Variants in TIAM2 observed in about 807,000 individuals in gnomAD.
The protein encoded by TIAM2 is TIAM Rac1 associated GEF 2.
TIAM2 carries 80 observed loss-of-function variants against 152.9 expected under a neutral mutation model. That is an observed-to-expected ratio of 0.52 (90% CI 0.44 to 0.63). TIAM2 has a LOEUF of 0.63. TIAM2 is among the 30% of genes least tolerant of loss of function. The pLI, the probability that TIAM2 is intolerant of heterozygous loss-of-function variation, is 0.00. For synonymous variants in TIAM2, 804 were observed against 838.0 expected (o/e 0.96, Z 0.70); for missense variants, 1,965 against 2,120.1 (o/e 0.93, Z 1.44).
chr6:155,172,666 ATATATATATATATATATATATTT>A (rs1360681251), intron 9 of TIAM2, among the ~76,000 whole-genome samples: 14 of 9,316 alleles, frequency 1.5e-3, no homozygotes, highest in African/African-American at 3.3e-3. Flanking sequence ...ATATATATAT[ATATATATATATATATATATATTT>A]TTTTTTTTTT....
At chr6:155,104,258 T>C (rs1778627776) in intron 2 of TIAM2, among the ~76,000 whole-genome samples, 1 of 152,002 alleles carries the variant, frequency 6.6e-6, no homozygotes, top group South Asian at 2.1e-4. Flanking sequence ...TTATCTGTAA[T>C]TCCAGAGGGT....
chr6:155,164,740 G>A (rs546716826), intron 8 of TIAM2, 140 bp downstream of exon 8: 1 of 1,030,982 alleles, frequency 9.7e-7, no homozygotes, highest in South Asian at 1.6e-5. Context: ...CCAGAGGCCA[G>A]GGGCCTGGAG....
At chr6:155,147,175 TC>T (rs1301777484) in intron 6 of TIAM2, among the ~76,000 whole-genome samples, 1 of 32,928 alleles carries the variant, frequency 3.0e-5, no homozygotes, top group African/African-American at 1.3e-4. Context: ...TTTACATTGT[TC>T]TTTTTTTTTT....
Position 155,244,176 on chromosome 6 carries a change from A to T in TIAM2, c.3417+97A>T, listed in dbSNP as rs182491930. The T allele has an allele frequency of 1.1e-4, 133 of 1,192,742 alleles. No homozygotes were observed. In the African/African-American group the frequency reaches 1.8e-3, roughly 16 times the overall value. The allele number at this position is 1,192,742 out of a possible 1,614,324, so 73.9% of individuals were successfully genotyped here. A position where few individuals can be genotyped will look rare whatever the true frequency, so the allele number is the denominator to read the frequency against. ...TATGAGAGTATCTCTGTTGATCCCA[A>T]AAGAACATCCCAAGACTTAACGGTC... On this transcript the variant is annotated intron_variant, in intron 17 of 26. Coordinates refer to ENST00000682666, the MANE Select transcript of TIAM2 (RefSeq NM_012454.4).
intron 2 of TIAM2, among the ~76,000 whole-genome samples, chr6:155,109,938 T>C (rs921777244): frequency 7.7e-6 from 1 of 130,564 alleles, no homozygotes; most frequent in African/African-American, 2.8e-5. Flanking sequence ...TACAGACAAA[T>C]GCACAGACTT....
intron 7 of TIAM2, among the ~76,000 whole-genome samples, chr6:155,159,902 G>A (rs1780223649): frequency 6.6e-6 from 1 of 152,178 alleles, no homozygotes; most frequent in Admixed American, 6.5e-5. Context: ...GAGTAAAGAT[G>A]GCTTACTCTG....
Position 155,254,528 on chromosome 6 carries a change from C to A in TIAM2, c.4423C>A (p.Arg1475Ser). 1.2e-6 allele frequency: 2 copies of A among 1,613,982 alleles called. No individual in the cohort carries two copies. Among genetic ancestry groups the A allele is most frequent in the Non-Finnish European group, 1.7e-6 (2 of 1,179,870 alleles). The change falls in exon 26 of 27, where the codon CGC (arginine) becomes AGC (serine). Residue 1475 changes from arginine to serine, a missense_variant. Physicochemically the swap from Arg to Ser is moderately radical, Grantham distance 110. Coordinates refer to ENST00000682666, the MANE Select transcript of TIAM2 (RefSeq NM_012454.4). The part of the protein sequence containing the change: ...ELPLEKTCKD[R>S]LVPLKNRVPV... ...ACCACTGGAGAAAACGTGTAAGGAT[C>A]GCCTGGTACCTCTTAAGAACCGAGT...
At chr6:155,239,877 G>A (rs1483508890) in intron 15 of TIAM2, among the ~76,000 whole-genome samples, 1 of 152,200 alleles carries the variant, frequency 6.6e-6, no homozygotes, top group Non-Finnish European at 1.5e-5. Flanking sequence ...GCTCTGCAGG[G>A]CTCTGCACCC....
In TIAM2 at chr6:155,215,732, T is replaced by C. The variant is rs558382096; in HGVS notation, c.3168+4425T>C. Among the ~76,000 whole-genome samples, 116 of 151,922 alleles carry C rather than the reference T, an allele frequency of 7.6e-4. 1 individual carries two copies. The highest frequency in any genetic ancestry group is 9.9e-4 in the Non-Finnish European group (67 of 67,964). ...TTTTTAAAAAAAAATTTTAAATTTTTTTTTTTTTTTTGGAAACATCGTGTT... is the reference window on the plus strand; with the variant it reads ...TTTTTAAAAAAAAATTTTAAATTTTCTTTTTTTTTTTGGAAACATCGTGTT... On this transcript the variant is annotated intron_variant, in intron 15 of 26. Transcript: ENST00000682666.
chr6:155,029,667 C>T (rs1255076394), intron 1 of TIAM2, among the ~76,000 whole-genome samples: 3 of 112,578 alleles, frequency 2.7e-5, no homozygotes, highest in African/African-American at 9.8e-5. Flanking sequence ...AGTTATATAA[C>T]TATATACAGA....
intron 8 of TIAM2, 59 bp downstream of exon 8, chr6:155,164,659 C>T (rs1419550538): frequency 1.9e-6 from 3 of 1,539,638 alleles, no homozygotes; most frequent in Middle Eastern, 2.3e-4. Context: ...GATGCTCCCC[C>T]TTTCTTCAGC....
chr6:155,173,871 A>G (rs1297123334), intron 9 of TIAM2, among the ~76,000 whole-genome samples: 1 of 152,260 alleles, frequency 6.6e-6, no homozygotes, highest in Non-Finnish European at 1.5e-5. Context: ...GAGAGAATTC[A>G]TAAGACAGGG....
At position 155,177,171 on chromosome 6, in the gene TIAM2, A is replaced by T. The variant is rs575378615; in HGVS notation, c.2523+194A>T. Reference sequence around the variant, plus strand: ...TTCTATTCCTTGATCTCTTTAGAAGAATGAGTTATTAGGTCATGATCCCAC... The same window carrying T: ...TTCTATTCCTTGATCTCTTTAGAAGTATGAGTTATTAGGTCATGATCCCAC... On this transcript the variant is annotated intron_variant, in intron 10 of 26. Coordinates refer to ENST00000682666, the MANE Select transcript of TIAM2 (RefSeq NM_012454.4). 1.2e-3 allele frequency among the ~76,000 whole-genome samples: 181 copies of T among 152,336 alleles called. 2 individuals are homozygous for T. Among genetic ancestry groups the T allele is most frequent in the African/African-American group, 4.3e-3 (177 of 41,576 alleles).
chr6:155,038,793 A>G (rs994277049), intron 1 of TIAM2, among the ~76,000 whole-genome samples: 13 of 151,788 alleles, frequency 8.6e-5, no homozygotes, highest in Non-Finnish European at 1.8e-4. Context: ...TTAGCCAGGT[A>G]TTGTGGTGCA....
At chr6:155,245,578 T>C (rs770613961) in intron 18 of TIAM2, 45 bp from the exon 19 acceptor site, 6 of 1,501,418 alleles carry the variant, frequency 4.0e-6, no homozygotes, top group Non-Finnish European at 5.6e-6. Context: ...CCAGCACGCA[T>C]TGATTAAACC....
chr6:155,116,227 G>GT (rs201605624), intron 2 of TIAM2, among the ~76,000 whole-genome samples: 212 of 152,018 alleles, frequency 1.4e-3, no homozygotes, highest in East Asian at 5.8e-3. Flanking sequence ...TATATATGTT[G>GT]TTTTTTTTCC....
At chr6:155,254,156 A>G in intron 25 of TIAM2, 96 bp downstream of exon 25, 2 of 1,338,724 alleles carry the variant, frequency 1.5e-6, no homozygotes, top group Admixed American at 4.3e-5. Flanking sequence ...AATTTTGATG[A>G]TATCAGGGTC....
rs560809797 is a variant in TIAM2, at chr6:155,094,001, G to C, written c.-118+3622G>C. On this transcript the variant is annotated intron_variant, in intron 2 of 26. Transcript: ENST00000682666. Reference sequence around the variant, plus strand: ...CTGCAAACTGGTGAGTTTTGGGCTGGTTCTGGGCTGTGGATAACCTTTGTT... The same window carrying C: ...CTGCAAACTGGTGAGTTTTGGGCTGCTTCTGGGCTGTGGATAACCTTTGTT... 1.6e-4 allele frequency among the ~76,000 whole-genome samples: 25 copies of C among 152,308 alleles called. No homozygotes were observed. The East Asian group carries it at 1.7e-3, about 11-fold the overall frequency.
intron 2 of TIAM2, among the ~76,000 whole-genome samples, chr6:155,123,408 G>A (rs1223471800): frequency 6.6e-6 from 1 of 152,166 alleles, no homozygotes; most frequent in Non-Finnish European, 1.5e-5. Context: ...CAACTGTGTA[G>A]CACATGAATT....
Sources: gnomAD v4.1 joint callset for allele counts (sites outside exome capture counted in the v4.1 genomes callset) on GRCh38, gnomAD v4.1.1 for gene constraint, MANE v1.5 for transcripts, NCBI Gene and HGNC (gene_info 2026-07-23, HGNC 2026-07-21) for gene names.